The following MAPK14 variants were observed in gnomAD, a reference collection of about 807,000 sequenced individuals.
MAPK14 encodes mitogen-activated protein kinase 14, also known as CSAID-binding protein.
In MAPK14, 16 loss-of-function variants were observed where a neutral mutation model predicts 49.6. That is an observed-to-expected ratio of 0.32 (90% CI 0.22 to 0.49). The LOEUF (loss-of-function observed/expected upper bound fraction) is 0.49, where lower values mean the gene tolerates loss of function less well. Among genes scored for constraint, MAPK14 ranks in the 20% least tolerant of loss-of-function variants. The pLI is 0.99. For missense variants in MAPK14, 200 were observed against 441.2 expected (o/e 0.45, Z 4.90); for synonymous variants, 142 against 158.0 (o/e 0.90, Z 0.76).
intron 3 of MAPK14, among the ~76,000 whole-genome samples, chr6:36,068,643 A>G (rs1764154006): frequency 6.6e-6 from 1 of 152,066 alleles, no homozygotes; most frequent in Non-Finnish European, 1.5e-5. Flanking sequence ...GTAGTAAGAG[A>G]CGCCAGTCTA....
chr6:36,029,222 A>G (rs185575056), intron 1 of MAPK14: 1 of 152,238 alleles, frequency 6.6e-6, no homozygotes, highest in East Asian at 1.9e-4. Context: ...TCCCTTAGAG[A>G]GCTTGCAGGG....
downstream of MAPK14, among the ~76,000 whole-genome samples, chr6:36,114,317 T>G (rs73409883): frequency 0.015 from 2,257 of 152,104 alleles, 49 homozygotes; most frequent in African/African-American, 0.045. Flanking sequence ...CTGTTGTAAC[T>G]TAAAGAAGTA....
chr6:36,094,016 A>G (rs1765352033), intron 8 of MAPK14, among the ~76,000 whole-genome samples: 1 of 152,164 alleles, frequency 6.6e-6, no homozygotes. Flanking sequence ...ACTGATTTCT[A>G]TTGTAATATA....
intron 7 of MAPK14, among the ~76,000 whole-genome samples, chr6:36,076,268 A>G (rs1764529263): frequency 6.6e-6 from 1 of 152,208 alleles, no homozygotes; most frequent in Non-Finnish European, 1.5e-5. Context: ...ACTTGGAAGA[A>G]TCTACCATTC....
intron 1 of MAPK14, among the ~76,000 whole-genome samples, chr6:36,043,496 A>G (rs912628358): frequency 5.3e-5 from 8 of 152,228 alleles, no homozygotes; most frequent in African/African-American, 1.9e-4. Context: ...CAACAGTGAT[A>G]TTTGCACATT....
At chr6:36,041,112 C>A (rs778758537) in intron 1 of MAPK14, among the ~76,000 whole-genome samples, 7 of 152,028 alleles carry the variant, frequency 4.6e-5, no homozygotes, top group Non-Finnish European at 1.0e-4. Flanking sequence ...TTAGAAGATA[C>A]AATGCATTTT....
chr6:36,049,802 G>C (rs1409069634), intron 1 of MAPK14, among the ~76,000 whole-genome samples: 3 of 152,174 alleles, frequency 2.0e-5, no homozygotes, highest in Non-Finnish European at 4.4e-5. Context: ...GAAGATGAGG[G>C]AGGTGGCTCC....
chr6:36,031,384 C>G (rs953227082), intron 1 of MAPK14, among the ~76,000 whole-genome samples: 20 of 152,082 alleles, frequency 1.3e-4, no homozygotes, highest in African/African-American at 4.8e-4. Context: ...CTTTTAGAAT[C>G]CACTTTGGAG....
At chr6:36,064,175 G>C (rs1763945254) in intron 3 of MAPK14, among the ~76,000 whole-genome samples, 1 of 151,350 alleles carries the variant, frequency 6.6e-6, no homozygotes, top group Non-Finnish European at 1.5e-5. Flanking sequence ...ACAAGGCCTT[G>C]CTATGTTGCC....
intron 8 of MAPK14, among the ~76,000 whole-genome samples, chr6:36,081,429 C>G (rs935596632): frequency 6.6e-6 from 1 of 152,146 alleles, no homozygotes; most frequent in African/African-American, 2.4e-5. Flanking sequence ...TATTCTAGCA[C>G]CATAAAGAGA....
chr6:36,053,100 C>T (rs1460201458), intron 2 of MAPK14, among the ~76,000 whole-genome samples: 1 of 151,358 alleles, frequency 6.6e-6, no homozygotes, highest in Non-Finnish European at 1.5e-5. Context: ...TGAAATACAA[C>T]ACAAAATTCA....
intron 1 of MAPK14, among the ~76,000 whole-genome samples, chr6:36,034,426 C>T (rs1219607937): frequency 2.0e-5 from 3 of 152,182 alleles, no homozygotes; most frequent in Non-Finnish European, 4.4e-5. Flanking sequence ...GAAATAACTG[C>T]CTCTCCAGCC....
intron 10 of MAPK14, among the ~76,000 whole-genome samples, chr6:36,106,123 G>A (rs1177133193): frequency 6.6e-6 from 1 of 152,108 alleles, no homozygotes; most frequent in Non-Finnish European, 1.5e-5. Flanking sequence ...ATTAGTAGTG[G>A]GACAGATGGC....
At chr6:36,029,796 G>T (rs1033931098) in intron 1 of MAPK14, among the ~76,000 whole-genome samples, 6 of 152,002 alleles carry the variant, frequency 3.9e-5, no homozygotes, top group African/African-American at 1.4e-4. Flanking sequence ...TTTACAGCAT[G>T]GCAGTTTACA....
Position 36,107,074 on chromosome 6 carries a change from T to C in MAPK14, c.842-381T>C, listed in dbSNP as rs1032311100. Reference sequence around the variant, plus strand: ...AAAATTCTTCTTTAGTAACATATTCTTTAAAAATACAAAATACAGGAGGAG... The same window carrying C: ...AAAATTCTTCTTTAGTAACATATTCCTTAAAAATACAAAATACAGGAGGAG... On this transcript the variant is annotated intron_variant, in intron 10 of 11. Coordinates refer to ENST00000229794, the MANE Select transcript of MAPK14 (RefSeq NM_139012.3). This position sits in a 1 kb window ranked among gnomAD's most constrained non-coding sequence, Gnocchi z 4.3. 6.6e-6 allele frequency among the ~76,000 whole-genome samples: 1 copy of C among 152,188 alleles called. No individual in the cohort carries two copies. The highest frequency in any genetic ancestry group is 2.4e-5 in the African/African-American group (1 of 41,444).
At chr6:36,061,558 T>C (rs964581978) in intron 3 of MAPK14, among the ~76,000 whole-genome samples, 3 of 152,246 alleles carry the variant, frequency 2.0e-5, no homozygotes, top group Non-Finnish European at 4.4e-5. Context: ...ATACTGTTTT[T>C]TATAAACAAT....
At chr6:36,030,547 C>T (rs920047693) in intron 1 of MAPK14, among the ~76,000 whole-genome samples, 19 of 151,848 alleles carry the variant, frequency 1.3e-4, no homozygotes, top group African/African-American at 4.1e-4. Flanking sequence ...ATTAGCCGCC[C>T]GTGGTGGCGG....
At chr6:36,076,704 G>C in intron 8 of MAPK14, 96 bp downstream of exon 8, 2 of 927,548 alleles carry the variant, frequency 2.2e-6, no homozygotes, top group Non-Finnish European at 3.3e-6. Context: ...AAGACTCTCA[G>C]TATTTTGCTT....
At chr6:36,037,289 G>C (rs1008357859) in intron 1 of MAPK14, among the ~76,000 whole-genome samples, 2 of 152,114 alleles carry the variant, frequency 1.3e-5, no homozygotes, top group Non-Finnish European at 2.9e-5. Flanking sequence ...CAGCTTTCCC[G>C]TGCAGTGTTC....
Sources: gnomAD v4.1 joint callset for allele counts (sites outside exome capture counted in the v4.1 genomes callset) on GRCh38, gnomAD v4.1.1 for gene constraint, Gnocchi (gnomAD v3.1) non-coding constraint, MANE v1.5 for transcripts, NCBI Gene and HGNC (gene_info 2026-07-23, HGNC 2026-07-21) for gene names.